Variants in PHAF1 observed in about 807,000 individuals in gnomAD.
The protein encoded by PHAF1 is phagophore assembly factor 1.
In PHAF1, 23 loss-of-function variants were observed where a neutral mutation model predicts 63.1. The observed-to-expected ratio is 0.36, with a 90% CI of 0.26 to 0.52. The LOEUF (loss-of-function observed/expected upper bound fraction) is 0.52, where lower values mean the gene tolerates loss of function less well. Among genes scored for constraint, PHAF1 ranks in the 20% least tolerant of loss-of-function variants. PHAF1 has a pLI of 0.93. For synonymous variants in PHAF1, 167 were observed against 185.0 expected (o/e 0.90, Z 0.79); for missense variants, 427 against 517.2 (o/e 0.83, Z 1.69).
intron 3 of PHAF1, among the ~76,000 whole-genome samples, chr16:67,126,858 G>C (rs1441463726): frequency 6.6e-6 from 1 of 150,866 alleles, no homozygotes; most frequent in Non-Finnish European, 1.5e-5. Context: ...AAAGTGCTGG[G>C]ATTACAGGCG....
At chr16:67,139,933 G>T in intron 8 of PHAF1, 51 bp from the exon 9 acceptor site, 2 of 1,608,486 alleles carry the variant, frequency 1.2e-6, no homozygotes, top group Non-Finnish European at 1.7e-6. Flanking sequence ...CCCAGAGAGG[G>T]TCTCTGGTCC....
At chr16:67,120,079 A>T in intron 1 of PHAF1, 33 bp from the exon 2 acceptor site, 1 of 1,599,994 alleles carries the variant, frequency 6.3e-7, no homozygotes, top group Admixed American at 1.7e-5. Context: ...TGGATAGCCA[A>T]AATAACCACA....
At chr16:67,111,751 G>C (rs1376846009) in intron 1 of PHAF1, among the ~76,000 whole-genome samples, 1 of 152,108 alleles carries the variant, frequency 6.6e-6, no homozygotes, top group Admixed American at 6.5e-5. Flanking sequence ...CTCCCTACTA[G>C]TAGCTGGGAT....
At chr16:67,117,900 C>T (rs1174189847) in intron 1 of PHAF1, among the ~76,000 whole-genome samples, 2 of 149,934 alleles carry the variant, frequency 1.3e-5, no homozygotes, top group African/African-American at 2.4e-5. Context: ...GCCATCCTTT[C>T]ACCTCAGCCT....
intron 3 of PHAF1, among the ~76,000 whole-genome samples, chr16:67,129,645 C>T (rs1963315114): frequency 6.6e-6 from 1 of 152,228 alleles, no homozygotes; most frequent in Non-Finnish European, 1.5e-5. Context: ...CTGCTTGTGT[C>T]TCCACAATGA....
At chr16:67,137,524 G>A (rs1242670899) in intron 8 of PHAF1, among the ~76,000 whole-genome samples, 16 of 152,070 alleles carry the variant, frequency 1.1e-4, no homozygotes, top group Admixed American at 1.0e-3. Flanking sequence ...TCACCATATT[G>A]ACCAGGCTGG....
chr16:67,126,085 A>G, intron 3 of PHAF1, 43 bp downstream of exon 3: 1 of 1,458,688 alleles, frequency 6.9e-7, no homozygotes, highest in East Asian at 2.3e-5. Context: ...CAGCTGGGCC[A>G]GTCTTTCTGG....
intron 2 of PHAF1, among the ~76,000 whole-genome samples, chr16:67,121,229 G>A (rs1045567794): frequency 2.8e-5 from 4 of 143,358 alleles, no homozygotes; most frequent in South Asian, 2.2e-4. Context: ...TCGCTCTGTC[G>A]CCTAGGCTAG....
chr16:67,140,647 C>T, intron 10 of PHAF1, 53 bp downstream of exon 10: 1 of 1,316,766 alleles, frequency 7.6e-7, no homozygotes, highest in South Asian at 1.2e-5. Flanking sequence ...GTGGGCAGTG[C>T]ATCTTTGCAG....
intron 1 of PHAF1, 21 bp downstream of exon 1, chr16:67,110,260 C>G (rs1962456686): frequency 6.5e-7 from 1 of 1,550,378 alleles, no homozygotes; most frequent in Non-Finnish European, 8.7e-7. Flanking sequence ...GGTCCTCTGT[C>G]AGGACCCCAT....
At position 67,145,315 on chromosome 16, in the gene PHAF1, G is replaced by A. The variant is rs1253679245; in HGVS notation, c.1007-61G>A. 6 of 1,594,330 alleles carry A rather than the reference G, an allele frequency of 3.8e-6. No individual in the cohort carries two copies. In the Admixed American group the frequency reaches 6.8e-5, roughly 18 times the overall value. ...GACACCAGGTCTGGTTCCTACCTAG[G>A]GCTGGGGCCACAGGTAGGCTGGGCC... On this transcript the variant is annotated intron_variant, in intron 12 of 15. Transcript: ENST00000219139.
intron 2 of PHAF1, among the ~76,000 whole-genome samples, chr16:67,120,983 TA>T (rs1346620713): frequency 6.6e-6 from 1 of 152,178 alleles, no homozygotes; most frequent in African/African-American, 2.4e-5. Flanking sequence ...TTGGGCCTGT[TA>T]CCTATACCCA....
chr16:67,143,087 T>G (rs1963870501), intron 10 of PHAF1, among the ~76,000 whole-genome samples: 1 of 152,134 alleles, frequency 6.6e-6, no homozygotes, highest in South Asian at 2.1e-4. Flanking sequence ...AAGTGTTCAC[T>G]GGGTGGCATC....
At chr16:67,129,512 C>T (rs1220626266) in intron 3 of PHAF1, among the ~76,000 whole-genome samples, 1 of 152,228 alleles carries the variant, frequency 6.6e-6, no homozygotes, top group Non-Finnish European at 1.5e-5. Context: ...TGGCCAAAAG[C>T]GAACCTACTA....
intron 2 of PHAF1, among the ~76,000 whole-genome samples, chr16:67,122,502 G>A (rs1963023267): frequency 1.3e-5 from 2 of 149,594 alleles, no homozygotes; most frequent in Admixed American, 1.3e-4. Context: ...GAGGTGGGAG[G>A]ATCATGAGCA....
At chr16:67,119,669 G>T (rs1052903961) in intron 1 of PHAF1, among the ~76,000 whole-genome samples, 2 of 150,430 alleles carry the variant, frequency 1.3e-5, no homozygotes, top group African/African-American at 4.9e-5. Flanking sequence ...TACAAGGGCA[G>T]CCACCTCGCC....
Position 67,144,817 on chromosome 16 carries a change from A to C in PHAF1, c.963-17A>C. ...CTTCTAGGAGGCCCAGCCTTTACCC[A>C]TTTGCCTTCTCTCTAGTTATCATCG... On this transcript the variant is annotated splice_polypyrimidine_tract_variant and intron_variant, in intron 11 of 15. Coordinates refer to ENST00000219139, the MANE Select transcript of PHAF1 (RefSeq NM_025187.5). 6.2e-7 allele frequency: 1 copy of C among 1,613,846 alleles called. No homozygotes were observed. Among genetic ancestry groups the C allele is most frequent in the South Asian group, 1.1e-5 (1 of 91,074 alleles).
chr16:67,111,967 T>G (rs1962535087), intron 1 of PHAF1, among the ~76,000 whole-genome samples: 2 of 152,166 alleles, frequency 1.3e-5, no homozygotes, highest in Admixed American at 1.3e-4. Context: ...CTTTCATAAC[T>G]TAACACCACT....
intron 1 of PHAF1, among the ~76,000 whole-genome samples, chr16:67,110,506 G>T (rs1271127466): frequency 6.6e-6 from 1 of 152,152 alleles, no homozygotes; most frequent in Non-Finnish European, 1.5e-5. Context: ...CTCCCCAAAT[G>T]CCTAATGCCC....
Sources: allele counts gnomAD v4.1 joint callset (sites outside exome capture counted in the v4.1 genomes callset), GRCh38; gene constraint gnomAD v4.1.1; transcripts MANE v1.5; gene names NCBI Gene and HGNC (gene_info 2026-07-23, HGNC 2026-07-21).